Variants in NRXN2 observed in about 807,000 individuals in gnomAD.
The protein encoded by NRXN2 is neurexin-2-beta.
Under a neutral mutation model 128.8 loss-of-function variants are expected in NRXN2, and 29 were observed. The ratio of observed to expected loss-of-function variants is 0.23; its 90% CI spans 0.17 to 0.31. The LOEUF (loss-of-function observed/expected upper bound fraction) is 0.31, where lower values mean the gene tolerates loss of function less well. NRXN2 is among the 10% of genes least tolerant of loss of function. The pLI, the probability that NRXN2 is intolerant of heterozygous loss-of-function variation, is 1.00. For synonymous variants in NRXN2, 1,098 were observed against 1,075.2 expected, an observed-to-expected ratio of 1.02 and a Z score of -0.41; for missense variants, 1,881 against 2,452.6, an observed-to-expected ratio of 0.77 and a Z score of 4.92.
At chr11:64,687,508 AGCAAGGCTGGTGGGG>A (rs1460578166) in intron 5 of NRXN2, among the ~76,000 whole-genome samples, 1 of 152,234 alleles carries the variant, frequency 6.6e-6, no homozygotes, top group East Asian at 1.9e-4. Context: ...GCCACAGGGC[AGCAAGGCTGGTGGGG>A]GCCTGGGCAA....
chr11:64,621,166 C>T lies in NRXN2; in HGVS notation c.4174-794G>A, dbSNP rs76844883. On this transcript the variant is annotated intron_variant, in intron 21 of 22. Coordinates refer to ENST00000265459, the MANE Select transcript of NRXN2 (RefSeq NM_015080.4). ...CCCAGCCCATGATCTTCAGACTCAA[C>T]AGCCCTCACTCACCCAAGGGCAAGG... Among the ~76,000 whole-genome samples the T allele has an allele frequency of 8.4e-3, 1,284 of 152,272 alleles. 8 individuals carry two copies. Among genetic ancestry groups the T allele is most frequent in the Middle Eastern group, 0.02 (6 of 294 alleles).
chr11:64,721,435 G>A (rs2057430081), intron 1 of NRXN2, among the ~76,000 whole-genome samples: 2 of 152,108 alleles, frequency 1.3e-5, no homozygotes, highest in East Asian at 1.9e-4. Context: ...GGATGGGTCT[G>A]AGAACACTTC....
Position 64,632,781 on chromosome 11 carries a change from C to T in NRXN2, c.3586-2208G>A, listed in dbSNP as rs567037159. 3.5e-4 allele frequency among the ~76,000 whole-genome samples: 54 copies of T among 152,344 alleles called. 2 individuals are homozygous for T. The South Asian group carries it at 9.7e-3, about 27-fold the overall frequency. ...CATTAATTCCTAATTCCCCAATTAC[C>T]TCATTAGGCGGCGGTGGGGAGAACG... On this transcript the variant is annotated intron_variant, in intron 18 of 22. Coordinates refer to ENST00000265459, the MANE Select transcript of NRXN2 (RefSeq NM_015080.4). This position sits in a 1 kb window ranked among gnomAD's most constrained non-coding sequence, Gnocchi z 4.2.
chr11:64,642,443 A>G, intron 17 of NRXN2: 1 of 1,467,582 alleles, frequency 6.8e-7, no homozygotes, highest in Non-Finnish European at 9.0e-7. Context: ...CGGCGTGCAC[A>G]GCTGGGGTGG....
intron 20 of NRXN2, among the ~76,000 whole-genome samples, chr11:64,625,075 C>T (rs1296561911): frequency 1.3e-5 from 2 of 152,204 alleles, no homozygotes; most frequent in Admixed American, 6.5e-5. Flanking sequence ...CACTACCTCT[C>T]TAATCCAATT....
chr11:64,631,511 T>C lies in NRXN2; in HGVS notation c.3586-938A>G, dbSNP rs140371768. 6.6e-6 allele frequency among the ~76,000 whole-genome samples: 1 copy of C among 151,816 alleles called. No individual in the cohort carries two copies. Among genetic ancestry groups the C allele is most frequent in the East Asian group, 1.9e-4 (1 of 5,156 alleles). ...ACCCTAAATCATGCCAGGCCCTGAG[T>C]GGGTACTGTACACGCATGCTCTCTT... On this transcript the variant is annotated intron_variant, in intron 18 of 22. Transcript: ENST00000265459. This position sits in a 1 kb window ranked among gnomAD's most constrained non-coding sequence, Gnocchi z 4.8.
At chr11:64,617,940 G>A (rs571447499) in intron 22 of NRXN2, among the ~76,000 whole-genome samples, 5 of 152,322 alleles carry the variant, frequency 3.3e-5, no homozygotes, top group Non-Finnish European at 5.9e-5. Context: ...GCTCCAGAGT[G>A]TACTCTGCCC....
rs1324262269 is a variant in NRXN2, at chr11:64,713,341, T to G, written c.359A>C (p.Asp120Ala). Residue 120 changes from aspartate (D) to alanine (A), a missense_variant, in exon 2 of 23, where the codon GAC becomes GCC. By Grantham distance (126) the Asp-to-Ala change is moderately radical. Coordinates refer to ENST00000265459, the MANE Select transcript of NRXN2 (RefSeq NM_015080.4). ...CACCGCCAGCGCCGTGCGGCGCGCG[T>G]CGCGGGTCAGCAGCACCATGTGCCA... ...DRWHMVLLTR[D>A]ARRTALAVDG... 2.6e-5 allele frequency: 36 copies of G among 1,380,962 alleles called. No individual in the cohort carries two copies. Among genetic ancestry groups the G allele is most frequent in the African/African-American group, 1.7e-4 (11 of 65,528 alleles). The allele number at this position is 1,380,962 out of a possible 1,614,324, so 85.5% of individuals were successfully genotyped here.
At chr11:64,665,606 G>A (rs492175) in intron 9 of NRXN2, among the ~76,000 whole-genome samples, 78,505 of 152,046 alleles carry the variant, frequency 0.52, 23,740 homozygotes, top group Non-Finnish European at 0.7. Flanking sequence ...GCAACACTTC[G>A]AGGATGGAAG....
intron 5 of NRXN2, 69 bp downstream of exon 5, chr11:64,690,336 C>T (rs1284124306): frequency 1.4e-6 from 2 of 1,443,044 alleles, no homozygotes; most frequent in Non-Finnish European, 1.9e-6. Context: ...TTGGCTTCCC[C>T]CCAGGAAGCA....
At position 64,714,305 on chromosome 11, in the gene NRXN2, G is replaced by C. The variant is rs1289549030; in HGVS notation, c.-244-362C>G. On this transcript the variant is annotated intron_variant, in intron 1 of 22. Coordinates refer to ENST00000265459, the MANE Select transcript of NRXN2 (RefSeq NM_015080.4). The surrounding 1 kb of genome is among the most constrained non-coding windows in gnomAD (Gnocchi z 4.5). ...GAGCGAGGCCTGGGAACTCTCCTCCGCCTGGTGACCCCAGCCCCTTCTCTG... is the reference window on the plus strand; with the variant it reads ...GAGCGAGGCCTGGGAACTCTCCTCCCCCTGGTGACCCCAGCCCCTTCTCTG... 1.2e-4 allele frequency among the ~76,000 whole-genome samples: 19 copies of C among 152,020 alleles called. No homozygotes were observed. The highest frequency in any genetic ancestry group is 1.2e-3 in the Admixed American group (19 of 15,266).
intron 2 of NRXN2, among the ~76,000 whole-genome samples, chr11:64,699,895 G>A (rs2055094584): frequency 6.6e-6 from 1 of 152,146 alleles, no homozygotes; most frequent in Admixed American, 6.5e-5. Flanking sequence ...AAATAAGGAG[G>A]CATGGTGATT....
chr11:64,671,489 C>T lies in NRXN2; in HGVS notation c.1198-2885G>A, dbSNP rs2050619257. Reference sequence around the variant, plus strand: ...CCCAGGGGTTCATGATGCCCCTGCCCCCCAACCTCCCCCCCACGCATCTTC... The same window carrying T: ...CCCAGGGGTTCATGATGCCCCTGCCTCCCAACCTCCCCCCCACGCATCTTC... On this transcript the variant is annotated intron_variant, in intron 7 of 22. Transcript: ENST00000265459. Among the ~76,000 whole-genome samples the T allele has an allele frequency of 2.0e-5, 3 of 152,086 alleles. No individual in the cohort carries two copies. In the South Asian group the frequency reaches 6.2e-4, roughly 32 times the overall value.
chr11:64,722,715 C>T (rs1467521425), intron 1 of NRXN2, among the ~76,000 whole-genome samples: 2 of 151,084 alleles, frequency 1.3e-5, no homozygotes, highest in African/African-American at 2.4e-5. Flanking sequence ...TCCCTTCCCC[C>T]AAAGACCCTT....
intron 19 of NRXN2, among the ~76,000 whole-genome samples, chr11:64,627,719 C>A (rs920924670): frequency 6.6e-6 from 1 of 152,154 alleles, no homozygotes; most frequent in Non-Finnish European, 1.5e-5. Context: ...GATCTGTACA[C>A]CTCTGTGAGC....
Position 64,713,800 on chromosome 11 carries a change from G to T in NRXN2, c.-101C>A. 1 of 672,670 alleles carries T rather than the reference G, an allele frequency of 1.5e-6. No individual in the cohort carries two copies. Among genetic ancestry groups the T allele is most frequent in the Non-Finnish European group, 1.9e-6 (1 of 540,318 alleles). The allele number at this position is 672,670 out of a possible 1,614,324, so 41.7% of individuals were successfully genotyped here. A position where few individuals can be genotyped will look rare whatever the true frequency, so the allele number is the denominator to read the frequency against. On this transcript the variant is annotated 5_prime_UTR_variant, in exon 2 of 23. Coordinates refer to ENST00000265459, the MANE Select transcript of NRXN2 (RefSeq NM_015080.4). ...GGGGGCCGGGCGCTCCCCGCGCTGA[G>T]CGGGGCTCCCTTGCAGGCTCACAGT...
At chr11:64,680,727 G>A (rs2052114223) in intron 6 of NRXN2, among the ~76,000 whole-genome samples, 2 of 152,198 alleles carry the variant, frequency 1.3e-5, no homozygotes, top group Admixed American at 1.3e-4. Flanking sequence ...TGCAATCTGA[G>A]AAACGCTGTG....
rs141426534 is a variant in NRXN2 at position 64,635,426 on chromosome 11, C to G, written c.3430G>C (p.Gly1144Arg). 9.9e-6 allele frequency: 16 copies of G among 1,613,708 alleles called. No homozygotes were observed. The highest frequency in any genetic ancestry group is 8.3e-5 in the Admixed American group (5 of 59,998). The change falls in exon 18 of 23, where the codon GGG becomes CGG. Residue 1144 changes from glycine (G) to arginine (R), a missense_variant. Physicochemically the swap from Gly to Arg is moderately radical, Grantham distance 125 (BLOSUM62 -2). This residue lies in a region of NRXN2 where 390 missense variants were observed against 599.6 expected (regional missense o/e 0.65). Transcript: ENST00000265459. The surrounding 1 kb of genome is among the most constrained non-coding windows in gnomAD (Gnocchi z 4.8). ...DPGTTYIFGK[G>R]GALITYTWPP... Reference sequence around the variant, plus strand: ...CACGTGTAGGTGATGAGCGCTCCCCCCTTCCCAAAGATGTATGTGGTCCCG... The same window carrying G: ...CACGTGTAGGTGATGAGCGCTCCCCGCTTCCCAAAGATGTATGTGGTCCCG...
chr11:64,607,424 G>A lies in NRXN2; in HGVS notation c.4911C>T (p.Gly1637=). Residue 1637 remains glycine, a synonymous_variant, in exon 23 of 23, where the codon GGC becomes GGT. Transcript: ENST00000265459. ...EVIRESSSTT[G]MVVGIVAAAA... ...CCGCCGCCACAATGCCCACCACCAT[G>A]CCCGTGGTGCTGCTGGACTCCCGGA... The A allele has an allele frequency of 1.2e-6, 2 of 1,612,992 alleles. No homozygotes were observed. Among genetic ancestry groups the A allele is most frequent in the Non-Finnish European group, 1.7e-6 (2 of 1,179,838 alleles).
Sources: gnomAD v4.1 joint callset for allele counts (sites outside exome capture counted in the v4.1 genomes callset) on GRCh38, gnomAD v4.1.1 for gene constraint, gnomAD v4.1.1 regional missense constraint, Gnocchi (gnomAD v3.1) non-coding constraint, MANE v1.5 for transcripts, NCBI Gene and HGNC (gene_info 2026-07-23, HGNC 2026-07-21) for gene names.